Variants in NLRP10 observed in about 807,000 individuals in gnomAD.
The protein encoded by NLRP10 is NACHT, LRR and PYD domains-containing protein 10.
In NLRP10, 7 loss-of-function variants were observed where a neutral mutation model predicts 8.2. The observed-to-expected ratio is 0.85, with a 90% CI of 0.48 to 1.60. NLRP10 has a LOEUF of 1.60. Among genes scored for constraint, NLRP10 ranks in the 40% most tolerant of loss-of-function variants. The probability of loss-of-function intolerance (pLI) is 0.00; values close to 1 mark genes in which losing one functional copy is unlikely to be tolerated. For synonymous variants in NLRP10, 338 were observed against 314.0 expected (o/e 1.08, Z -0.81); for missense variants, 814 against 776.3 (o/e 1.05, Z -0.58).
In NLRP10 at chr11:7,960,138, G is replaced by C; in HGVS notation, c.1474C>G (p.Arg492Gly). The change falls in exon 3 of 3, where the codon CGC becomes GGC. Residue 492 changes from arginine (R) to glycine (G), a missense_variant. Coordinates refer to ENST00000691676, the MANE Select transcript of NLRP10 (RefSeq NM_001391958.1). ...TCCAGCAGCCTTTGCACTTCTCTGC[G>C]GGACTCCTTCCCCAGCCGGCTTTGG... ...EDQSRLGKESRREVQRLLEVK... is the reference protein window; with the variant it reads ...EDQSRLGKESGREVQRLLEVK... 1 of 1,614,032 alleles carries C rather than the reference G, an allele frequency of 6.2e-7. No homozygotes were observed. The highest frequency in any genetic ancestry group is 8.5e-7 in the Non-Finnish European group (1 of 1,179,980).
rs1941654355 is a variant in NLRP10, at chr11:7,958,297, A to G, written c.*1347T>C. ...ATGTTTAGCTTTGTAAGAAACTGCC[A>G]AACTGTCTTTCAAAGTGGCTGTACC... is the stretch of plus-strand genomic sequence containing the variant. On this transcript the variant is annotated 3_prime_UTR_variant, in exon 3 of 3. Coordinates refer to ENST00000691676, the MANE Select transcript of NLRP10 (RefSeq NM_001391958.1). Among the ~76,000 whole-genome samples the G allele has an allele frequency of 6.6e-6, 1 of 152,204 alleles. No homozygotes were observed. Among genetic ancestry groups the G allele is most frequent in the East Asian group, 1.9e-4 (1 of 5,194 alleles).
At position 7,960,031 on chromosome 11, in the gene NLRP10, C is replaced by T. The variant is rs772891846; in HGVS notation, c.1581G>A (p.Ser527=). 4 of 1,614,044 alleles carry T rather than the reference C, an allele frequency of 2.5e-6. No individual in the cohort carries two copies. The highest frequency in any genetic ancestry group is 3.4e-6 in the Non-Finnish European group (4 of 1,179,996). ...TGAAGCAGAACTTGAGCTCCAAGTTCGAGAAGCTGTCTTTTTTCGAGATGT... is the reference window on the plus strand; with the variant it reads ...TGAAGCAGAACTTGAGCTCCAAGTTTGAGAAGCTGTCTTTTTTCGAGATGT... ...LLDISKKDSF[S]NLELKFCFRI... The change falls in exon 3 of 3, where the codon TCG becomes TCA. Residue 527 remains serine, a synonymous_variant. Coordinates refer to ENST00000691676, the MANE Select transcript of NLRP10 (RefSeq NM_001391958.1).
chr11:7,959,681 C>A lies in NLRP10; in HGVS notation c.1931G>T (p.Arg644Ile). 6.3e-7 allele frequency: 1 copy of A among 1,591,152 alleles called. No homozygotes were observed. The highest frequency in any genetic ancestry group is 2.2e-5 in the East Asian group (1 of 44,778). Residue 644 changes from arginine (R) to isoleucine (I), a missense_variant, in exon 3 of 3, where the codon AGA becomes ATA. Arg to Ile is a moderately conservative substitution (Grantham distance 97). Coordinates refer to ENST00000691676, the MANE Select transcript of NLRP10 (RefSeq NM_001391958.1). ...TQKEASTGKG[R>I]GTEETPKNTY... ...ATTTTTTGGTGTTTCCTCTGTCCCT[C>A]TGCCTTTTCCAGTAGAAGCTTCCTT...
chr11:7,961,083 T>G lies in NLRP10; in HGVS notation c.529A>C (p.Thr177Pro). The G allele has an allele frequency of 2.5e-6, 4 of 1,614,128 alleles. No homozygotes were observed. The highest frequency in any genetic ancestry group is 3.4e-6 in the Non-Finnish European group (4 of 1,180,014). Residue 177 changes from threonine to proline, a missense_variant, in exon 3 of 3, where the codon ACT (threonine) becomes CCT (proline). Transcript: ENST00000691676. ...SLVVLQGSAG[T>P]GKTTLARKMV... ...TTTCTGGCGAGAGTTGTCTTTCCAGTGCCAGCCGACCCCTGTAGCACAACT... is the reference window on the plus strand; with the variant it reads ...TTTCTGGCGAGAGTTGTCTTTCCAGGGCCAGCCGACCCCTGTAGCACAACT...
rs1716817949 is a variant in NLRP10 at position 7,963,555 on chromosome 11, A to C, written c.-45-15T>G. The stretch of plus-strand genomic sequence containing the variant: ...AGACCAGTGACCTGGAGAAAGAGGC[A>C]AAAGGAGAGGTCCACTGCTGAGAGG... On this transcript the variant is annotated splice_polypyrimidine_tract_variant and intron_variant, in intron 1 of 2. Transcript: ENST00000691676. 2 of 1,498,600 alleles carry C rather than the reference A, an allele frequency of 1.3e-6. No homozygotes were observed. The highest frequency in any genetic ancestry group is 4.0e-5 in the Admixed American group (2 of 49,972). The allele number at this position is 1,498,600 out of a possible 1,614,324, so 92.8% of individuals were successfully genotyped here. A position where few individuals can be genotyped will look rare whatever the true frequency, so the allele number is the denominator to read the frequency against.
In NLRP10 at chr11:7,960,755, C is replaced by A; in HGVS notation, c.857G>T (p.Cys286Phe). The A allele has an allele frequency of 6.2e-7, 1 of 1,614,096 alleles. No individual in the cohort carries two copies. Among genetic ancestry groups the A allele is most frequent in the South Asian group, 1.1e-5 (1 of 91,064 alleles). Reference sequence around the variant, plus strand: ...GGGCCGGGTGGTGATGAGAAGGGAGCACGTGGGGAGTGTATGTCTCCTAAT... The same window carrying A: ...GGGCCGGGTGGTGATGAGAAGGGAGAACGTGGGGAGTGTATGTCTCCTAAT... ...LLIRRHTLPTCSLLITTRPLA... is the reference protein window; with the variant it reads ...LLIRRHTLPTFSLLITTRPLA... Residue 286 changes from cysteine (C) to phenylalanine (F), a missense_variant, in exon 3 of 3, where the codon TGC becomes TTC. Coordinates refer to ENST00000691676, the MANE Select transcript of NLRP10 (RefSeq NM_001391958.1).
At chr11:7,964,289 G>T (rs915618354) in intron 1 of NLRP10, among the ~76,000 whole-genome samples, 1 of 152,162 alleles carries the variant, frequency 6.6e-6, no homozygotes, top group Non-Finnish European at 1.5e-5. Flanking sequence ...GAGCACATTT[G>T]CTGGAACTGC....
In NLRP10 at chr11:7,959,779, T is replaced by C. The variant is rs763828139; in HGVS notation, c.1833A>G (p.Gly611=). Residue 611 remains glycine (G), a synonymous_variant, in exon 3 of 3, where the codon GGA becomes GGG. Transcript: ENST00000691676. ...LFSVKSSLSH[G]PKEEQKCPSV... The stretch of plus-strand genomic sequence containing the variant: ...AAGGACATTTTTGCTCCTCCTTAGG[T>C]CCATGACTCAAGCTGCTTTTGACAG... 19 of 1,613,850 alleles carry C rather than the reference T, an allele frequency of 1.2e-5. No homozygotes were observed. The Admixed American group carries it at 3.0e-4, about 25-fold the overall frequency.
At position 7,959,484 on chromosome 11, in the gene NLRP10, A is replaced by G. The variant is rs1244747622; in HGVS notation, c.*160T>C. On this transcript the variant is annotated 3_prime_UTR_variant, in exon 3 of 3. Coordinates refer to ENST00000691676, the MANE Select transcript of NLRP10 (RefSeq NM_001391958.1). The stretch of plus-strand genomic sequence containing the variant: ...TGGGATCTTGATTGGGATTGCATTG[A>G]ATCTACAGATCAAACTGGGGAAAAC... 1.9e-6 allele frequency: 1 copy of G among 525,096 alleles called. No individual in the cohort carries two copies. Among genetic ancestry groups the G allele is most frequent in the Non-Finnish European group, 3.3e-6 (1 of 302,642 alleles). The allele number at this position is 525,096 out of a possible 1,614,324, so 32.5% of individuals were successfully genotyped here.
chr11:7,962,231 C>CTTTTTTTGTTTTTTT (rs1941743994), intron 2 of NLRP10, among the ~76,000 whole-genome samples: 1 of 66,994 alleles, frequency 1.5e-5, no homozygotes, highest in African/African-American at 5.6e-5. Context: ...TAAGCCTGTT[C>CTTTTTTTGTTTTTTT]TTTTTTTTTT....
Position 7,959,797 on chromosome 11 carries a change from T to C in NLRP10, c.1815A>G (p.Lys605=). Residue 605 remains lysine, a synonymous_variant, in exon 3 of 3, where the codon AAA becomes AAG. Transcript: ENST00000691676. The part of the protein sequence containing the change: ...KSQSQNLFSV[K]SSLSHGPKEE... ...CCTTAGGTCCATGACTCAAGCTGCT[T>C]TTGACAGAAAATAAATTCTGGCTCT... 2 of 1,614,152 alleles carry C rather than the reference T, an allele frequency of 1.2e-6. No homozygotes were observed. The highest frequency in any genetic ancestry group is 1.7e-6 in the Non-Finnish European group (2 of 1,179,990).
chr11:7,962,352 C>G (rs908283054), intron 2 of NLRP10, among the ~76,000 whole-genome samples: 20 of 149,564 alleles, frequency 1.3e-4, no homozygotes, highest in African/African-American at 4.9e-4. Context: ...TCTCCTGCCT[C>G]AGCCTCCCGT....
rs1941692852 is a variant in NLRP10, at chr11:7,960,349, A to G, written c.1263T>C (p.Ile421=). Residue 421 remains isoleucine (I), a synonymous_variant, in exon 3 of 3, where the codon ATT becomes ATC. Transcript: ENST00000691676. The part of the protein sequence containing the change: ...RSLCSLAAEG[I]QHQRFLFEEA... ...CTTCAAATAGGAACCTCTGGTGCTG[A>G]ATCCCTTCAGCTGCTAGGGAGCACA... is the stretch of plus-strand genomic sequence containing the variant. 1 of 1,614,120 alleles carries G rather than the reference A, an allele frequency of 6.2e-7. No individual in the cohort carries two copies.
Position 7,960,619 on chromosome 11 carries a change from C to T in NLRP10, c.993G>A (p.Glu331=), listed in dbSNP as rs199475854. The change falls in exon 3 of 3, where the codon GAG becomes GAA. Residue 331 remains glutamate (E), a synonymous_variant. Transcript: ENST00000691676. ...ARYFSSYFTD[E]KQADRAFDIV... ...TGTCGAAGGCACGGTCAGCTTGCTTCTCATCCGTGAAATAGGAGCTGAAGT... is the reference window on the plus strand; with the variant it reads ...TGTCGAAGGCACGGTCAGCTTGCTTTTCATCCGTGAAATAGGAGCTGAAGT... 2 of 1,614,192 alleles carry T rather than the reference C, an allele frequency of 1.2e-6. No individual in the cohort carries two copies. The highest frequency in any genetic ancestry group is 2.2e-5 in the East Asian group (1 of 44,876).
At chr11:7,962,335 A>G (rs960868024) in intron 2 of NLRP10, among the ~76,000 whole-genome samples, 3 of 137,482 alleles carry the variant, frequency 2.2e-5, no homozygotes, top group African/African-American at 8.1e-5. Context: ...TCCCGGGTTC[A>G]CGCCATTCTC....
Position 7,960,608 on chromosome 11 carries a change from T to C in NLRP10, c.1004A>G (p.Asp335Gly), listed in dbSNP as rs769633407. 6.2e-7 allele frequency: 1 copy of C among 1,614,142 alleles called. No homozygotes were observed. Among genetic ancestry groups the C allele is most frequent in the Non-Finnish European group, 8.5e-7 (1 of 1,180,014 alleles). The change falls in exon 3 of 3, where the codon GAC becomes GGC. Residue 335 changes from aspartate to glycine, a missense_variant. Transcript: ENST00000691676. The part of the protein sequence containing the change: ...SSYFTDEKQA[D>G]RAFDIVQKND... ...TTTCTGTACAATGTCGAAGGCACGG[T>C]CAGCTTGCTTCTCATCCGTGAAATA... is the stretch of plus-strand genomic sequence containing the variant.
In NLRP10 at chr11:7,960,128, A is replaced by G; in HGVS notation, c.1484T>C (p.Val495Ala). 1 of 1,614,028 alleles carries G rather than the reference A, an allele frequency of 6.2e-7. No homozygotes were observed. The highest frequency in any genetic ancestry group is 8.5e-7 in the Non-Finnish European group (1 of 1,179,994). The stretch of plus-strand genomic sequence containing the variant: ...CTCCTTTACCTCCAGCAGCCTTTGC[A>G]CTTCTCTGCGGGACTCCTTCCCCAG... ...SRLGKESRRE[V>A]QRLLEVKEQE... The change falls in exon 3 of 3, where the codon GTG (valine) becomes GCG (alanine). Residue 495 changes from valine (V) to alanine (A), a missense_variant. Val to Ala is a moderately conservative substitution (Grantham distance 64, BLOSUM62 0). Transcript: ENST00000691676.
Position 7,960,279 on chromosome 11 carries a change from CG to C in NLRP10, c.1332del (p.Ala445LeufsTer3). 1 of 1,614,154 alleles carries C rather than the reference CG, an allele frequency of 6.2e-7. No individual in the cohort carries two copies. Among genetic ancestry groups the C allele is most frequent in the Non-Finnish European group, 8.5e-7 (1 of 1,180,016 alleles). ...TGGTAGTCGTTACTACTCAGGAAAG[CG>C]GCAAGCCTGGGGCCATCTAAATTAT... ...RKHNLDGPRL[A>X]AFLSSNDYQL... is the part of the protein sequence containing the mutation. On this transcript the variant is annotated frameshift_variant, in exon 3 of 3. Transcript: ENST00000691676. LOFTEE classifies it low-confidence loss of function (END_TRUNC).
chr11:7,962,255 A>G (rs1246655642), intron 2 of NLRP10, among the ~76,000 whole-genome samples: 1 of 4,276 alleles, frequency 2.3e-4, no homozygotes, highest in Non-Finnish European at 7.1e-4. Flanking sequence ...TTTTTTTTTG[A>G]GATGGAGTTT....
Sources: allele counts gnomAD v4.1 joint callset (sites outside exome capture counted in the v4.1 genomes callset), GRCh38; gene constraint gnomAD v4.1.1; transcripts MANE v1.5; gene names NCBI Gene and HGNC (gene_info 2026-07-23, HGNC 2026-07-21).